Variants in TRDN observed in about 807,000 individuals in gnomAD.
TRDN encodes triadin in skeletal muscle.
Under a neutral mutation model 149.7 loss-of-function variants are expected in TRDN, and 161 were observed. The observed-to-expected ratio is 1.08, with a 90% CI of 0.95 to 1.23. The LOEUF (loss-of-function observed/expected upper bound fraction) is 1.23, where lower values mean the gene tolerates loss of function less well. Ranked by LOEUF, TRDN falls within the 50% of genes most tolerant of loss-of-function variation. TRDN has a pLI of 0.00. For synonymous variants in TRDN, 294 were observed against 250.5 expected (o/e 1.17, Z -1.64); for missense variants, 896 against 823.5 (o/e 1.09, Z -1.08).
chr6:123,243,787 A>AT (rs1213905693), intron 38 of TRDN, among the ~76,000 whole-genome samples: 19 of 151,592 alleles, frequency 1.3e-4, no homozygotes, highest in South Asian at 6.2e-4. Flanking sequence ...ATGATGAGCA[A>AT]TTTTTTTTTG....
chr6:123,352,372 G>C, intron 21 of TRDN, 167 bp downstream of exon 21: 1 of 985,134 alleles, frequency 1.0e-6, no homozygotes. Context: ...GACCAACCCA[G>C]ATTGCTGTCT....
chr6:123,349,942 G>A (rs1270379320), intron 21 of TRDN: 1 of 984,786 alleles, frequency 1.0e-6, no homozygotes, highest in Non-Finnish European at 1.2e-6. Flanking sequence ...GGGAACCATT[G>A]TTTACAGAAT....
intron 21 of TRDN, among the ~76,000 whole-genome samples, chr6:123,342,677 T>C (rs151257189): frequency 8.5e-5 from 13 of 152,106 alleles, no homozygotes; most frequent in African/African-American, 2.9e-4. Flanking sequence ...TAAATTGGAA[T>C]GGAAAATTTG....
intron 12 of TRDN, 84 bp downstream of exon 12, chr6:123,437,979 A>G (rs948433202): frequency 8.3e-6 from 10 of 1,205,320 alleles, no homozygotes; most frequent in Middle Eastern, 2.0e-4. Flanking sequence ...ACTGTGTGCA[A>G]TTTGTGTATG....
At chr6:123,350,547 G>T in intron 21 of TRDN, 1 of 680,516 alleles carries the variant, frequency 1.5e-6, no homozygotes, top group African/African-American at 1.9e-5. Flanking sequence ...AAGTCTTAAA[G>T]CATTATGCAT....
chr6:123,318,900 G>T (rs1252975672), intron 23 of TRDN, among the ~76,000 whole-genome samples: 1 of 152,052 alleles, frequency 6.6e-6, no homozygotes, highest in Non-Finnish European at 1.5e-5. Context: ...ACGTGTGGCT[G>T]TGGGCCCTCT....
chr6:123,555,158 C>A (rs1159025383), intron 2 of TRDN, among the ~76,000 whole-genome samples: 4 of 152,032 alleles, frequency 2.6e-5, no homozygotes, highest in African/African-American at 9.7e-5. Flanking sequence ...TACTTTAAAG[C>A]TTTTTAAGTC....
intron 12 of TRDN, among the ~76,000 whole-genome samples, chr6:123,437,022 T>C (rs1774603428): frequency 6.6e-6 from 1 of 152,136 alleles, no homozygotes; most frequent in Admixed American, 6.5e-5. Context: ...GATTGTCTTT[T>C]CCATGTAAAC....
rs151020720 is a variant in TRDN at position 123,521,462 on chromosome 6, T to C, written c.485-5256A>G. 1.3e-3 allele frequency among the ~76,000 whole-genome samples: 197 copies of C among 152,034 alleles called. 2 individuals carry two copies. The highest frequency in any genetic ancestry group is 1.6e-3 in the East Asian group (8 of 5,138). The stretch of plus-strand genomic sequence containing the variant: ...CATCATTTGAAGATGAAGGCAGGAA[T>C]TGGAGAACTTCATCTACAAGGCCCC... On this transcript the variant is annotated intron_variant, in intron 5 of 40. Coordinates refer to ENST00000334268, the MANE Select transcript of TRDN (RefSeq NM_006073.4).
intron 36 of TRDN, 90 bp downstream of exon 36, chr6:123,255,777 T>A: frequency 5.6e-6 from 5 of 888,638 alleles, no homozygotes; most frequent in South Asian, 4.6e-5. Context: ...TTTAGAAAAG[T>A]TTTTTTTCAT....
intron 1 of TRDN, among the ~76,000 whole-genome samples, chr6:123,632,287 C>A (rs550268429): frequency 2.0e-5 from 3 of 151,910 alleles, no homozygotes; most frequent in Non-Finnish European, 4.4e-5. Flanking sequence ...TGTGTATTTC[C>A]TTTTCCTTCC....
At chr6:123,434,697 G>C (rs1245721914) in intron 12 of TRDN, among the ~76,000 whole-genome samples, 2 of 151,930 alleles carry the variant, frequency 1.3e-5, no homozygotes, top group Non-Finnish European at 2.9e-5. Context: ...TTCTTTTGTT[G>C]ATTGCTTTTT....
At chr6:123,328,250 C>T (rs1015935647) in intron 23 of TRDN, among the ~76,000 whole-genome samples, 6 of 152,176 alleles carry the variant, frequency 3.9e-5, no homozygotes, top group Non-Finnish European at 8.8e-5. Flanking sequence ...ATGCATGCCA[C>T]CTGGCACGCA....
chr6:123,614,508 A>G (rs1042031385), intron 1 of TRDN, among the ~76,000 whole-genome samples: 1 of 151,486 alleles, frequency 6.6e-6, no homozygotes, highest in African/African-American at 2.4e-5. Flanking sequence ...TTTTAATTAC[A>G]CTTATTGAAG....
chr6:123,301,812 A>G (rs962451815), intron 24 of TRDN, among the ~76,000 whole-genome samples: 5 of 108,446 alleles, frequency 4.6e-5, no homozygotes, highest in Non-Finnish European at 8.2e-5. Context: ...TCTGGTGGTT[A>G]TTCAATAAAC....
At position 123,266,479 on chromosome 6, in the gene TRDN, TTATAA is replaced by T. The variant is rs1252364192; in HGVS notation, c.1784-1146_1784-1142del. Reference sequence around the variant, plus strand: ...ATATGTATTATATATAATATATATATTATAATATGTATTATATATAATATATATAT... The same window carrying T: ...ATATGTATTATATATAATATATATATTATGTATTATATATAATATATATAT... On this transcript the variant is annotated intron_variant, in intron 32 of 40. Coordinates refer to ENST00000334268, the MANE Select transcript of TRDN (RefSeq NM_006073.4). Among the ~76,000 whole-genome samples, 6 of 45,602 alleles carry T rather than the reference TTATAA, an allele frequency of 1.3e-4. 1 individual carries two copies. The highest frequency in any genetic ancestry group is 1.9e-4 in the Non-Finnish European group (6 of 31,056). The allele number at this position is 45,602 out of a possible 152,430, so 29.9% of individuals were successfully genotyped here.
At chr6:123,255,469 T>G (rs750399735) in intron 36 of TRDN, among the ~76,000 whole-genome samples, 3 of 152,186 alleles carry the variant, frequency 2.0e-5, no homozygotes, top group Non-Finnish European at 4.4e-5. Context: ...CCTGCTCCAA[T>G]AAACTATTTG....
chr6:123,289,850 G>C (rs576378717), intron 24 of TRDN, among the ~76,000 whole-genome samples: 83 of 152,256 alleles, frequency 5.5e-4, no homozygotes, highest in Admixed American at 4.6e-4. Flanking sequence ...CCCAGAGCCA[G>C]AATCAGTGTG....
intron 2 of TRDN, among the ~76,000 whole-genome samples, chr6:123,560,219 TC>T (rs1781910135): frequency 1.3e-5 from 2 of 152,172 alleles, no homozygotes; most frequent in Non-Finnish European, 1.5e-5. Flanking sequence ...AAATCTATTT[TC>T]TTTCTCACAC....
Sources: gnomAD v4.1 joint callset for allele counts (sites outside exome capture counted in the v4.1 genomes callset) on GRCh38, gnomAD v4.1.1 for gene constraint, MANE v1.5 for transcripts, NCBI Gene and HGNC (gene_info 2026-07-23, HGNC 2026-07-21) for gene names.